DLL4: variants seen among roughly 807,000 people sequenced by gnomAD.
DLL4 encodes delta-like protein 4.
A neutral mutation model predicts 73.6 loss-of-function variants in DLL4; 7 were observed. The observed-to-expected ratio is 0.10, with a 90% CI of 0.05 to 0.18. The LOEUF (loss-of-function observed/expected upper bound fraction) is 0.18, where lower values mean the gene tolerates loss of function less well. DLL4 is among the 10% of genes least tolerant of loss of function. DLL4 has a pLI of 1.00. For synonymous variants in DLL4, 345 were observed against 374.3 expected, an observed-to-expected ratio of 0.92 and a Z score of 0.90; for missense variants, 614 against 929.9, an observed-to-expected ratio of 0.66 and a Z score of 4.42.
chr15:40,934,866 C>G (rs1471956850), intron 7 of DLL4, 32 bp from the exon 8 acceptor site: 1 of 1,605,140 alleles, frequency 6.2e-7, no homozygotes, highest in African/African-American at 1.3e-5. Flanking sequence ...CCCCCAGGGT[C>G]TGACTTTGGC....
Position 40,929,682 on chromosome 15 carries a change from C to A in DLL4, c.14C>A (p.Ser5Tyr). 2 of 1,563,214 alleles carry A rather than the reference C, an allele frequency of 1.3e-6. No homozygotes were observed. The highest frequency in any genetic ancestry group is 2.0e-5 in the Admixed American group (1 of 49,404). MAAA[S>Y]RSASGWALLL... ...ACGCCCGAGGGGATGGCGGCAGCGTCCCGGAGCGCCTCTGGCTGGGCGCTA... is the reference window on the plus strand; with the variant it reads ...ACGCCCGAGGGGATGGCGGCAGCGTACCGGAGCGCCTCTGGCTGGGCGCTA... The change falls in exon 1 of 11, where the codon TCC becomes TAC. Residue 5 changes from serine (S) to tyrosine (Y), a missense_variant. By Grantham distance (144) the Ser-to-Tyr change is moderately radical. Around this residue, in one of 3 missense-constraint regions of DLL4, gnomAD observed 227 missense variants for 370.8 expected, o/e 0.61. Transcript: ENST00000249749. The surrounding 1 kb of genome is among the most constrained non-coding windows in gnomAD (Gnocchi z 7.1).
intron 6 of DLL4, among the ~76,000 whole-genome samples, chr15:40,933,415 A>C (rs1340899281): frequency 6.6e-6 from 1 of 152,080 alleles, no homozygotes; most frequent in African/African-American, 2.4e-5. Context: ...ATCATATGCA[A>C]ACACAGCACT....
rs184386888 is a variant in DLL4 at position 40,936,493 on chromosome 15, C to T, written c.1506C>T (p.Asp502=). The change falls in exon 9 of 11, where the codon GAC becomes GAT. Residue 502 remains aspartate, a synonymous_variant. Transcript: ENST00000249749. Reference sequence around the variant, plus strand: ...CCTGCTACACCGACCTCTCCACAGACACCTTTGTGTGCAACTGCCCTTATG... The same window carrying T: ...CCTGCTACACCGACCTCTCCACAGATACCTTTGTGTGCAACTGCCCTTATG... ...RATCYTDLST[D]TFVCNCPYGF... 21 of 1,611,866 alleles carry T rather than the reference C, an allele frequency of 1.3e-5. No homozygotes were observed. In the East Asian group the frequency reaches 4.5e-4, roughly 34 times the overall value.
chr15:40,936,089 A>C (rs927313901), intron 8 of DLL4, 139 bp from the exon 9 acceptor site: 1 of 692,250 alleles, frequency 1.4e-6, no homozygotes, highest in East Asian at 2.8e-5. Context: ...AGGTCTCCTG[A>C]CTCTGTGCAG....
Position 40,938,101 on chromosome 15 carries a change from T to A in DLL4, c.*67T>A. On this transcript the variant is annotated 3_prime_UTR_variant, in exon 11 of 11. Coordinates refer to ENST00000249749, the MANE Select transcript of DLL4 (RefSeq NM_019074.4). Reference sequence around the variant, plus strand: ...GGACCTTCCTTCTGCATTGTTTACATTGCATCCTGGATGGGACGTTTTTCA... The same window carrying A: ...GGACCTTCCTTCTGCATTGTTTACAATGCATCCTGGATGGGACGTTTTTCA... 6.8e-7 allele frequency: 1 copy of A among 1,463,062 alleles called. No individual in the cohort carries two copies. The highest frequency in any genetic ancestry group is 9.1e-7 in the Non-Finnish European group (1 of 1,100,478). The allele number at this position is 1,463,062 out of a possible 1,614,324, so 90.6% of individuals were successfully genotyped here.
At chr15:40,931,412 A>G (rs1339353563) in intron 3 of DLL4, 91 bp from the exon 4 acceptor site, 4 of 1,427,596 alleles carry the variant, frequency 2.8e-6, no homozygotes, top group Admixed American at 2.0e-5. Context: ...GCTGATCACC[A>G]TCATCACAGC....
In DLL4 at chr15:40,932,238, A is replaced by C. The variant is rs544951970; in HGVS notation, c.719+7A>C. On this transcript the variant is annotated splice_region_variant and intron_variant, in intron 5 of 10. Coordinates refer to ENST00000249749, the MANE Select transcript of DLL4 (RefSeq NM_019074.4). ...GCAAGCCAGCAGAGTGCCTGTGAGT[A>C]GGGGACAGGAAGTGGTGAGTGGGAG... 6 of 1,614,030 alleles carry C rather than the reference A, an allele frequency of 3.7e-6. No homozygotes were observed. In the South Asian group the frequency reaches 4.4e-5, roughly 12 times the overall value.
At chr15:40,932,572 C>T in intron 6 of DLL4, 125 bp downstream of exon 6, 1 of 1,277,408 alleles carries the variant, frequency 7.8e-7, no homozygotes, top group Admixed American at 2.1e-5. Flanking sequence ...CATGATCTTC[C>T]AAGGATCTTG....
Position 40,930,265 on chromosome 15 carries a change from C to T in DLL4, c.336+149C>T, listed in dbSNP as rs1470868585. The T allele has an allele frequency of 1.0e-6, 1 of 981,260 alleles. No homozygotes were observed. Among genetic ancestry groups the T allele is most frequent in the South Asian group, 1.7e-5 (1 of 60,476 alleles). The allele number at this position is 981,260 out of a possible 1,614,324, so 60.8% of individuals were successfully genotyped here. A position where few individuals can be genotyped will look rare whatever the true frequency, so the allele number is the denominator to read the frequency against. On this transcript the variant is annotated intron_variant, in intron 2 of 10. Transcript: ENST00000249749. The surrounding 1 kb of genome is among the most constrained non-coding windows in gnomAD (Gnocchi z 5.7). ...TTCTTTCCTGGCTCTTCCCGACTCT[C>T]TCCTGAGACTGATCCCAGAAAAGGC...
In DLL4 at chr15:40,930,536, GATTA is replaced by G; in HGVS notation, c.337-83_337-80del. The G allele has an allele frequency of 1.9e-6, 2 of 1,072,064 alleles. No individual in the cohort carries two copies. The highest frequency in any genetic ancestry group is 2.8e-6 in the Non-Finnish European group (2 of 705,470). The allele number at this position is 1,072,064 out of a possible 1,614,324, so 66.4% of individuals were successfully genotyped here. ...GCGCAGTAACTGAATCCTGCAATTA[GATTA>G]ATTAAACAGGCTGCCGCAAGGCACC... On this transcript the variant is annotated intron_variant, in intron 2 of 10. Transcript: ENST00000249749. This position sits in a 1 kb window ranked among gnomAD's most constrained non-coding sequence, Gnocchi z 5.7.
Position 40,929,741 on chromosome 15 carries a change from C to G in DLL4, c.66+7C>G. The G allele has an allele frequency of 4.4e-6, 7 of 1,599,462 alleles. No homozygotes were observed. The highest frequency in any genetic ancestry group is 5.9e-6 in the Non-Finnish European group (7 of 1,176,858). On this transcript the variant is annotated splice_region_variant and intron_variant, in intron 1 of 10. Coordinates refer to ENST00000249749, the MANE Select transcript of DLL4 (RefSeq NM_019074.4). This position sits in a 1 kb window ranked among gnomAD's most constrained non-coding sequence, Gnocchi z 7.1. ...GGTGGCACTTTGGCAGCAGGTAACA[C>G]GTCCCGCGCCCTCTCCGTCCCCTCT...
At chr15:40,931,433 A>T in intron 3 of DLL4, 70 bp from the exon 4 acceptor site, 1 of 1,515,906 alleles carries the variant, frequency 6.6e-7, no homozygotes, top group East Asian at 2.4e-5. Flanking sequence ...CAAGAAGGAC[A>T]TTGGCCAGCC....
rs1230281905 is a variant in DLL4 at position 40,929,810 on chromosome 15, G to T, written c.67-37G>T. On this transcript the variant is annotated intron_variant, in intron 1 of 10. Coordinates refer to ENST00000249749, the MANE Select transcript of DLL4 (RefSeq NM_019074.4). This position sits in a 1 kb window ranked among gnomAD's most constrained non-coding sequence, Gnocchi z 7.1. ...GCCCCGGGCACCAGCTGAGCTGACCGGTCCCCTCCCTCCTTCCCTCGGTCC... is the reference window on the plus strand; with the variant it reads ...GCCCCGGGCACCAGCTGAGCTGACCTGTCCCCTCCCTCCTTCCCTCGGTCC... 6.2e-7 allele frequency: 1 copy of T among 1,608,536 alleles called. No homozygotes were observed. Among genetic ancestry groups the T allele is most frequent in the Non-Finnish European group, 8.5e-7 (1 of 1,179,356 alleles).
rs769634656 is a variant in DLL4, at chr15:40,930,056, G to C, written c.276G>C (p.Arg92=). ...TGGGCACCAACTCCTTCGCTGTCCG[G>C]GACGACAGTAGCGGCGGGGGGCGCA... The part of the protein sequence containing the change: ...PVLGTNSFAV[R]DDSSGGGRNP... Residue 92 remains arginine (R), a synonymous_variant, in exon 2 of 11, where the codon CGG becomes CGC. Coordinates refer to ENST00000249749, the MANE Select transcript of DLL4 (RefSeq NM_019074.4). This position sits in a 1 kb window ranked among gnomAD's most constrained non-coding sequence, Gnocchi z 5.7. 6.2e-7 allele frequency: 1 copy of C among 1,612,804 alleles called. No homozygotes were observed. Among genetic ancestry groups the C allele is most frequent in the Non-Finnish European group, 8.5e-7 (1 of 1,179,646 alleles).
chr15:40,938,379 C>T lies in DLL4; in HGVS notation c.*345C>T, dbSNP rs1892874125. Reference sequence around the variant, plus strand: ...GAGAGTGGCAGTAGCCCCATGGGGCCCGGAGCTGCTGTGGCCTCCACTGGC... The same window carrying T: ...GAGAGTGGCAGTAGCCCCATGGGGCTCGGAGCTGCTGTGGCCTCCACTGGC... On this transcript the variant is annotated 3_prime_UTR_variant, in exon 11 of 11. Coordinates refer to ENST00000249749, the MANE Select transcript of DLL4 (RefSeq NM_019074.4). The T allele has an allele frequency of 4.3e-6, 1 of 234,816 alleles. No individual in the cohort carries two copies. Among genetic ancestry groups the T allele is most frequent in the African/African-American group, 2.3e-5 (1 of 44,316 alleles). The allele number at this position is 234,816 out of a possible 1,614,324, so 14.5% of individuals were successfully genotyped here.
At chr15:40,934,372 G>A (rs1390434783) in intron 6 of DLL4, among the ~76,000 whole-genome samples, 176 bp from the exon 7 acceptor site, 3 of 151,004 alleles carry the variant, frequency 2.0e-5, no homozygotes, top group Non-Finnish European at 3.0e-5. Context: ...GAGAAAGAAA[G>A]AAAGAAAGAG....
chr15:40,935,476 C>T lies in DLL4; in HGVS notation c.1240+359C>T, dbSNP rs1892829428. On this transcript the variant is annotated intron_variant, in intron 8 of 10. Coordinates refer to ENST00000249749, the MANE Select transcript of DLL4 (RefSeq NM_019074.4). ...AAAGGAGGCAGTGATTCAGTCAGAGCCCTGCTCCTGGAGGCCTCATCTTGC... is the reference window on the plus strand; with the variant it reads ...AAAGGAGGCAGTGATTCAGTCAGAGTCCTGCTCCTGGAGGCCTCATCTTGC... Among the ~76,000 whole-genome samples the T allele has an allele frequency of 3.3e-5, 5 of 152,344 alleles. No homozygotes were observed. In the South Asian group the frequency reaches 1.0e-3, roughly 32 times the overall value.
intron 10 of DLL4, 130 bp from the exon 11 acceptor site, chr15:40,937,897 TGG>T (rs1892867734): frequency 1.9e-6 from 2 of 1,051,574 alleles, no homozygotes; most frequent in African/African-American, 3.2e-5. Context: ...GGCCGAAGAC[TGG>T]GGAGGACTGC....
In DLL4 at chr15:40,930,496, GT is replaced by G; in HGVS notation, c.337-127del. 1.2e-6 allele frequency: 1 copy of G among 803,882 alleles called. No individual in the cohort carries two copies. Among genetic ancestry groups the G allele is most frequent in the Non-Finnish European group, 2.1e-6 (1 of 476,582 alleles). 49.8% of individuals were successfully genotyped at this position (803,882 alleles called of 1,614,324 possible). A position where few individuals can be genotyped will look rare whatever the true frequency, so the allele number is the denominator to read the frequency against. ...CAAGCGCTACACTGTGCACAGCCCC[GT>G]TATGTTGACCCGGGCGCAGTAACTG... On this transcript the variant is annotated intron_variant, in intron 2 of 10. Coordinates refer to ENST00000249749, the MANE Select transcript of DLL4 (RefSeq NM_019074.4). This position sits in a 1 kb window ranked among gnomAD's most constrained non-coding sequence, Gnocchi z 5.7.
Sources: gnomAD v4.1 joint callset for allele counts (sites outside exome capture counted in the v4.1 genomes callset) on GRCh38, gnomAD v4.1.1 for gene constraint, gnomAD v4.1.1 regional missense constraint, Gnocchi (gnomAD v3.1) non-coding constraint, MANE v1.5 for transcripts, NCBI Gene and HGNC (gene_info 2026-07-23, HGNC 2026-07-21) for gene names.